The following KCNJ6 variants were observed in gnomAD, a reference collection of about 807,000 sequenced individuals.
KCNJ6 encodes potassium inwardly rectifying channel subfamily J member 6.
In KCNJ6, 9 loss-of-function variants were observed where a neutral mutation model predicts 34.2. The observed-to-expected ratio is 0.26, with a 90% CI of 0.16 to 0.46. The LOEUF (loss-of-function observed/expected upper bound fraction) is 0.46, where lower values mean the gene tolerates loss of function less well. Ranked by LOEUF, KCNJ6 falls within the 20% of genes least tolerant of loss-of-function variation. The pLI is 1.00. For missense variants in KCNJ6, 236 were observed against 531.3 expected (o/e 0.44, Z 5.46); for synonymous variants, 196 against 207.1 (o/e 0.95, Z 0.46).
Position 37,723,322 on chromosome 21 carries a change from G to C in KCNJ6, c.26-8191C>G, listed in dbSNP as rs2054836509. Among the ~76,000 whole-genome samples, 3 of 152,268 alleles carry C rather than the reference G, an allele frequency of 2.0e-5. No homozygotes were observed. The Middle Eastern group carries it at 0.01, about 518-fold the overall frequency. Reference sequence around the variant, plus strand: ...AGAAAAGGGAAACTTATATACTGTTGGTGGAAATATAAATTAGTTTAGCCA... The same window carrying C: ...AGAAAAGGGAAACTTATATACTGTTCGTGGAAATATAAATTAGTTTAGCCA... On this transcript the variant is annotated intron_variant, in intron 2 of 3. Transcript: ENST00000609713.
intron 2 of KCNJ6, among the ~76,000 whole-genome samples, chr21:37,807,455 C>T (rs1359248280): frequency 6.6e-6 from 1 of 152,222 alleles, no homozygotes; most frequent in African/African-American, 2.4e-5. Context: ...TATTTAAGAA[C>T]ACAGTCATGT....
intron 1 of KCNJ6, among the ~76,000 whole-genome samples, chr21:37,888,277 C>T (rs2055745444): frequency 6.6e-6 from 1 of 152,216 alleles, no homozygotes; most frequent in Non-Finnish European, 1.5e-5. Flanking sequence ...ACATCATTCT[C>T]AGTAATTCCC....
intron 3 of KCNJ6, among the ~76,000 whole-genome samples, chr21:37,696,900 G>T (rs1423546974): frequency 6.6e-6 from 1 of 152,166 alleles, no homozygotes; most frequent in Non-Finnish European, 1.5e-5. Context: ...CATTCCTTCT[G>T]CCCCTAGCTC....
intron 2 of KCNJ6, among the ~76,000 whole-genome samples, chr21:37,801,340 C>T (rs1290172148): frequency 6.6e-6 from 1 of 152,204 alleles, no homozygotes; most frequent in Non-Finnish European, 1.5e-5. Context: ...CTGCCGCATG[C>T]TTTTCTCCAA....
intron 2 of KCNJ6, among the ~76,000 whole-genome samples, chr21:37,739,617 C>T (rs180710169): frequency 5.3e-5 from 8 of 152,194 alleles, no homozygotes; most frequent in Admixed American, 1.3e-4. Context: ...TACTTTAGCC[C>T]GCTGGTTCAA....
chr21:37,673,961 C>T (rs1306256380), intron 3 of KCNJ6, among the ~76,000 whole-genome samples: 1 of 152,152 alleles, frequency 6.6e-6, no homozygotes, highest in Non-Finnish European at 1.5e-5. Flanking sequence ...TGTTTGCTTC[C>T]ATGCTGTGAC....
intron 3 of KCNJ6, among the ~76,000 whole-genome samples, chr21:37,704,636 A>C (rs892857490): frequency 6.7e-6 from 1 of 149,510 alleles, no homozygotes; most frequent in African/African-American, 2.4e-5. Flanking sequence ...AAATCTTCCT[A>C]GGATGGCCTC....
intron 1 of KCNJ6, among the ~76,000 whole-genome samples, chr21:37,854,877 T>C (rs968076652): frequency 3.3e-5 from 5 of 152,152 alleles, no homozygotes. Flanking sequence ...CAAAAACTGA[T>C]AGAACTGAAA....
intron 2 of KCNJ6, among the ~76,000 whole-genome samples, chr21:37,811,899 C>T (rs1179085053): frequency 2.6e-5 from 4 of 152,078 alleles, no homozygotes; most frequent in African/African-American, 9.7e-5. Flanking sequence ...GGGAAACACA[C>T]CAGAAGACAT....
At chr21:37,711,642 GC>G (rs1266694644) in intron 3 of KCNJ6, among the ~76,000 whole-genome samples, 1 of 152,014 alleles carries the variant, frequency 6.6e-6, no homozygotes, top group African/African-American at 2.4e-5. Flanking sequence ...CCTGTTTAAT[GC>G]CCATAAATCC....
intron 2 of KCNJ6, 99 bp from the exon 3 acceptor site, chr21:37,715,230 C>A (rs1191475336): frequency 2.0e-6 from 2 of 1,017,682 alleles, no homozygotes; most frequent in Non-Finnish European, 2.8e-6. Context: ...AAACCAAATA[C>A]CATTTGTGTA....
At chr21:37,739,994 T>C (rs1203267470) in intron 2 of KCNJ6, among the ~76,000 whole-genome samples, 3 of 151,848 alleles carry the variant, frequency 2.0e-5, no homozygotes, top group African/African-American at 4.8e-5. Context: ...TGTGGCAACA[T>C]TGCCAGTCTC....
At chr21:37,754,281 G>A (rs2055012462) in intron 2 of KCNJ6, among the ~76,000 whole-genome samples, 1 of 152,218 alleles carries the variant, frequency 6.6e-6, no homozygotes, top group South Asian at 2.1e-4. Context: ...ACAAAGTACT[G>A]TGAATCTCAA....
chr21:37,710,181 A>G (rs2054743962), intron 3 of KCNJ6, among the ~76,000 whole-genome samples: 1 of 152,250 alleles, frequency 6.6e-6, no homozygotes, highest in Non-Finnish European at 1.5e-5. Context: ...TGTAAATATA[A>G]AAAACAGTGA....
At chr21:37,841,570 G>T (rs2055481074) in intron 1 of KCNJ6, among the ~76,000 whole-genome samples, 1 of 152,084 alleles carries the variant, frequency 6.6e-6, no homozygotes. Flanking sequence ...GGAAATCATG[G>T]TTACATTTTG....
At chr21:37,773,277 C>A (rs774235384) in intron 2 of KCNJ6, among the ~76,000 whole-genome samples, 14 of 152,284 alleles carry the variant, frequency 9.2e-5, no homozygotes, top group Non-Finnish European at 1.6e-4. Context: ...ATTTCTGTAG[C>A]ATGCTGGGTT....
chr21:37,711,645 C>T (rs1029537114), intron 3 of KCNJ6, among the ~76,000 whole-genome samples: 1 of 152,060 alleles, frequency 6.6e-6, no homozygotes, highest in Admixed American at 6.5e-5. Flanking sequence ...GTTTAATGCC[C>T]ATAAATCCTA....
chr21:37,825,703 T>G (rs2055395859), intron 2 of KCNJ6, among the ~76,000 whole-genome samples: 1 of 152,148 alleles, frequency 6.6e-6, no homozygotes, highest in Non-Finnish European at 1.5e-5. Context: ...CTGGGTAATT[T>G]ATATAGAAAA....
rs1261114373 is a variant in KCNJ6, at chr21:37,840,715, G to A, written c.-27-6C>T. 6.4e-7 allele frequency: 1 copy of A among 1,552,228 alleles called. No homozygotes were observed. Among genetic ancestry groups the A allele is most frequent in the Non-Finnish European group, 8.9e-7 (1 of 1,128,534 alleles). On this transcript the variant is annotated splice_polypyrimidine_tract_variant and splice_region_variant and intron_variant, in intron 1 of 3. Coordinates refer to ENST00000609713, the MANE Select transcript of KCNJ6 (RefSeq NM_002240.5). The stretch of plus-strand genomic sequence containing the variant: ...GTTTCTTCTTTGTGCTTTTCCTGGA[G>A]GTGAGAAGAAAAGACAATTATCTGT...
Sources: gnomAD v4.1 joint callset for allele counts (sites outside exome capture counted in the v4.1 genomes callset) on GRCh38, gnomAD v4.1.1 for gene constraint, MANE v1.5 for transcripts, NCBI Gene and HGNC (gene_info 2026-07-23, HGNC 2026-07-21) for gene names.